The following FSTL5 variants were observed in gnomAD, a reference collection of about 807,000 sequenced individuals.
The protein encoded by FSTL5 is follistatin like 5.
A neutral mutation model predicts 89.1 loss-of-function variants in FSTL5; 62 were observed. That is an observed-to-expected ratio of 0.70 (90% CI 0.57 to 0.86). The LOEUF (loss-of-function observed/expected upper bound fraction) is 0.86, where lower values mean the gene tolerates loss of function less well. Among genes scored for constraint, FSTL5 ranks in the 40% least tolerant of loss-of-function variants. The pLI is 0.00. For synonymous variants in FSTL5, 383 were observed against 346.2 expected (o/e 1.11, Z -1.18); for missense variants, 1,057 against 1,001.6 (o/e 1.06, Z -0.75).
At chr4:162,127,095 C>T (rs1320406266) in intron 1 of FSTL5, among the ~76,000 whole-genome samples, 1 of 152,036 alleles carries the variant, frequency 6.6e-6, no homozygotes, top group African/African-American at 2.4e-5. Context: ...TGTCCTAGTC[C>T]CTGGATTGAG....
At chr4:161,773,275 T>C (rs771517386) in intron 5 of FSTL5, among the ~76,000 whole-genome samples, 1 of 152,130 alleles carries the variant, frequency 6.6e-6, no homozygotes, top group African/African-American at 2.4e-5. Flanking sequence ...TTTCTAGACA[T>C]TGGCTTAGGC....
intron 15 of FSTL5, among the ~76,000 whole-genome samples, chr4:161,391,391 G>C (rs1730817811): frequency 6.6e-6 from 1 of 152,002 alleles, no homozygotes; most frequent in African/African-American, 2.4e-5. Flanking sequence ...CATATAAGAT[G>C]CTATAATCAT....
At chr4:162,090,844 C>T (rs914391669) in intron 2 of FSTL5, among the ~76,000 whole-genome samples, 1 of 151,794 alleles carries the variant, frequency 6.6e-6, no homozygotes, top group Non-Finnish European at 1.5e-5. Context: ...CATCTCACAC[C>T]AGTATTAAAA....
intron 1 of FSTL5, among the ~76,000 whole-genome samples, chr4:162,163,235 GTTGAT>G (rs930814652): frequency 8.6e-5 from 13 of 151,974 alleles, no homozygotes; most frequent in Admixed American, 6.6e-4. Flanking sequence ...CAACTTGTTG[GTTGAT>G]TTATTTAACA....
chr4:162,041,860 T>C (rs1222586035), intron 2 of FSTL5: 1 of 152,082 alleles, frequency 6.6e-6, no homozygotes, highest in Non-Finnish European at 1.5e-5. Context: ...TTAGAAGTTA[T>C]ATGAAGCAGG....
chr4:161,711,677 A>G (rs549499001), intron 6 of FSTL5, among the ~76,000 whole-genome samples: 1 of 152,212 alleles, frequency 6.6e-6, no homozygotes, highest in South Asian at 2.1e-4. Context: ...AACAGAAGAA[A>G]AAGAAAATTT....
intron 2 of FSTL5, among the ~76,000 whole-genome samples, chr4:162,038,906 A>G (rs1431999965): frequency 6.6e-6 from 1 of 151,874 alleles, no homozygotes; most frequent in Non-Finnish European, 1.5e-5. Flanking sequence ...TAGACTATCA[A>G]TGAATTGTCC....
intron 7 of FSTL5, among the ~76,000 whole-genome samples, chr4:161,637,550 C>A (rs1179572524): frequency 2.7e-5 from 4 of 150,832 alleles, no homozygotes; most frequent in African/African-American, 7.3e-5. Flanking sequence ...TGCCTATCTC[C>A]TGAATGGTAA....
intron 8 of FSTL5, among the ~76,000 whole-genome samples, chr4:161,574,619 T>G (rs1381171694): frequency 6.6e-6 from 1 of 152,156 alleles, no homozygotes; most frequent in African/African-American, 2.4e-5. Flanking sequence ...GGTGTTTGGT[T>G]TTCTATTCCT....
chr4:162,068,794 C>T (rs980898516), intron 2 of FSTL5, among the ~76,000 whole-genome samples: 14 of 151,954 alleles, frequency 9.2e-5, no homozygotes, highest in Admixed American at 1.3e-4. Context: ...ATCTATCCAT[C>T]GGACAAAGGT....
chr4:161,528,764 G>C (rs1478289039), intron 10 of FSTL5, among the ~76,000 whole-genome samples: 2 of 143,288 alleles, frequency 1.4e-5, no homozygotes, highest in African/African-American at 5.0e-5. Context: ...CAGTTATTTG[G>C]TAAAGGATTA....
At chr4:161,675,652 A>G (rs1737275668) in intron 6 of FSTL5, among the ~76,000 whole-genome samples, 1 of 151,804 alleles carries the variant, frequency 6.6e-6, no homozygotes, top group Non-Finnish European at 1.5e-5. Flanking sequence ...ACAAGAAACT[A>G]TATTTTTCTC....
intron 15 of FSTL5, chr4:161,386,665 T>G: frequency 1.9e-6 from 1 of 514,128 alleles, no homozygotes; most frequent in Admixed American, 3.7e-5. Flanking sequence ...TCATAACTCA[T>G]GCTGTAGAAA....
intron 7 of FSTL5, among the ~76,000 whole-genome samples, chr4:161,606,530 C>G (rs1041455973): frequency 2.0e-5 from 3 of 151,800 alleles, no homozygotes; most frequent in Admixed American, 6.6e-5. Flanking sequence ...GCGCCCGGCC[C>G]GATTATCTGT....
intron 6 of FSTL5, among the ~76,000 whole-genome samples, chr4:161,686,407 G>A (rs6817159): frequency 0.98 from 120,856 of 123,518 alleles, 59,168 homozygotes; most frequent in East Asian, 1. Flanking sequence ...CGCCCAGGCT[G>A]GAGTGCAGTG....
chr4:161,974,177 T>C (rs1305384946), intron 3 of FSTL5, among the ~76,000 whole-genome samples: 2 of 152,260 alleles, frequency 1.3e-5, no homozygotes, highest in Non-Finnish European at 2.9e-5. Flanking sequence ...AAAATGGCCA[T>C]ACTGCCCAAG....
At chr4:161,898,928 C>T (rs1176614070) in intron 4 of FSTL5, among the ~76,000 whole-genome samples, 1 of 152,128 alleles carries the variant, frequency 6.6e-6, no homozygotes, top group Non-Finnish European at 1.5e-5. Flanking sequence ...CGCGCCCAGC[C>T]TGGCATCTGG....
At chr4:161,927,933 AACAC>A (rs1458173393) in intron 3 of FSTL5, among the ~76,000 whole-genome samples, 2 of 151,646 alleles carry the variant, frequency 1.3e-5, no homozygotes, top group East Asian at 3.9e-4. Flanking sequence ...TTCCCACAGA[AACAC>A]ACAACCTTCC....
chr4:161,780,296 C>T (rs35979387), intron 4 of FSTL5, among the ~76,000 whole-genome samples: 30,197 of 151,594 alleles, frequency 0.2, 3,059 homozygotes, highest in Middle Eastern at 0.31. Flanking sequence ...TGCCCCCTCC[C>T]CAAGTCCAAA....
Sources: allele counts gnomAD v4.1 joint callset (sites outside exome capture counted in the v4.1 genomes callset), GRCh38; gene constraint gnomAD v4.1.1; transcripts MANE v1.5; gene names NCBI Gene and HGNC (gene_info 2026-07-23, HGNC 2026-07-21).